The following TIMP2 variants were observed in gnomAD, a reference collection of about 807,000 sequenced individuals.
TIMP2 encodes metalloproteinase inhibitor 2.
TIMP2 carries 5 observed loss-of-function variants against 24.3 expected under a neutral mutation model. The ratio of observed to expected loss-of-function variants is 0.21; its 90% confidence interval spans 0.11 to 0.43. The LOEUF (loss-of-function observed/expected upper bound fraction) is 0.43. TIMP2 is among the 20% of genes least tolerant of loss of function. TIMP2 has a pLI of 1.00. For synonymous variants in TIMP2, 130 were observed against 123.2 expected (o/e 1.06, Z -0.37); for missense variants, 221 against 297.5 (o/e 0.74, Z 1.89).
At chr17:78,874,202 G>A (rs890399076) in intron 1 of TIMP2, 2 of 436,126 alleles carry the variant, frequency 4.6e-6, no homozygotes, top group African/African-American at 4.0e-5. Context: ...AGTCCCTTGT[G>A]ACCAAGGCAG....
At chr17:78,908,496 G>A (rs964728239) in intron 1 of TIMP2, among the ~76,000 whole-genome samples, 3 of 152,188 alleles carry the variant, frequency 2.0e-5, no homozygotes, top group Admixed American at 6.5e-5. Flanking sequence ...GGAGCAAAGT[G>A]ATGTTAAATC....
intron 1 of TIMP2, among the ~76,000 whole-genome samples, chr17:78,893,122 T>C (rs928316453): frequency 1.3e-5 from 2 of 148,708 alleles, no homozygotes; most frequent in African/African-American, 5.0e-5. Flanking sequence ...CATGCACATG[T>C]GTGTGCAGGG....
chr17:78,882,762 C>T (rs1462299443), intron 1 of TIMP2, among the ~76,000 whole-genome samples: 9 of 152,250 alleles, frequency 5.9e-5, no homozygotes, highest in African/African-American at 1.9e-4. Flanking sequence ...CCTCTCCCAA[C>T]GGAACTGCCC....
At chr17:78,862,064 A>T (rs981641149) in intron 3 of TIMP2, among the ~76,000 whole-genome samples, 1 of 152,182 alleles carries the variant, frequency 6.6e-6, no homozygotes, top group African/African-American at 2.4e-5. Context: ...CGGGAATTAA[A>T]ATTTGTAACG....
At chr17:78,877,998 G>T (rs897328910) in intron 1 of TIMP2, among the ~76,000 whole-genome samples, 1 of 152,110 alleles carries the variant, frequency 6.6e-6, no homozygotes, top group Non-Finnish European at 1.5e-5. Context: ...GAGCTACCGC[G>T]CCCGGCCTTG....
chr17:78,913,636 A>G (rs944711656), intron 1 of TIMP2, among the ~76,000 whole-genome samples: 8 of 152,110 alleles, frequency 5.3e-5, no homozygotes, highest in African/African-American at 9.7e-5. Flanking sequence ...GCTTAAGCCC[A>G]GGAGGCTGAG....
chr17:78,865,815 GAGCTTC>G (rs1195637675), intron 3 of TIMP2, among the ~76,000 whole-genome samples: 5 of 152,190 alleles, frequency 3.3e-5, no homozygotes, highest in Admixed American at 3.3e-4. Context: ...AACAAACAGA[GAGCTTC>G]AGCATGGGCG....
rs201215713 is a variant in TIMP2 at position 78,857,668 on chromosome 17, C to T, written c.341-22G>A. On this transcript the variant is annotated intron_variant, in intron 3 of 4. Transcript: ENST00000262768. The stretch of plus-strand genomic sequence containing the variant: ...TTTCCTGCGGAGAGACGGGGATCAC[C>T]GAGCTCAGGGAGAGGGAAAAGTCCT... 1.3e-4 allele frequency: 205 copies of T among 1,613,672 alleles called. 1 individual carries two copies. Among genetic ancestry groups the T allele is most frequent in the South Asian group, 4.6e-4 (42 of 91,078 alleles).
At chr17:78,903,918 A>G (rs1164985342) in intron 1 of TIMP2, among the ~76,000 whole-genome samples, 17 of 151,840 alleles carry the variant, frequency 1.1e-4, no homozygotes, top group Admixed American at 1.1e-3. Flanking sequence ...TGGCATTGTC[A>G]AGATATGTTT....
intron 3 of TIMP2, among the ~76,000 whole-genome samples, chr17:78,862,075 A>G (rs532038475): frequency 1.3e-5 from 2 of 152,212 alleles, no homozygotes; most frequent in Admixed American, 1.3e-4. Flanking sequence ...ATTTGTAACG[A>G]AGGGTTGTAT....
At chr17:78,922,284 A>G (rs1309801261) in intron 1 of TIMP2, 1 of 152,176 alleles carries the variant, frequency 6.6e-6, no homozygotes, top group Non-Finnish European at 1.5e-5. Context: ...TTGTTCCGGG[A>G]CCCTACCCTG....
rs1236570200 is a variant in TIMP2 at position 78,920,743 on chromosome 17, C to T, written c.130+4216G>A. ...AGTTTATCTGTTGTTAATTATTTAC[C>T]GAAACCACACTGAGTGGACTGACTT... On this transcript the variant is annotated intron_variant, in intron 1 of 4. Coordinates refer to ENST00000262768, the MANE Select transcript of TIMP2 (RefSeq NM_003255.5). The surrounding 1 kb of genome is among the most constrained non-coding windows in gnomAD (Gnocchi z 4.5). Among the ~76,000 whole-genome samples the T allele has an allele frequency of 1.3e-5, 2 of 152,072 alleles. No individual in the cohort carries two copies. Among genetic ancestry groups the T allele is most frequent in the Non-Finnish European group, 2.9e-5 (2 of 68,026 alleles).
At chr17:78,874,821 A>G (rs1346772157) in intron 1 of TIMP2, among the ~76,000 whole-genome samples, 1 of 151,858 alleles carries the variant, frequency 6.6e-6, no homozygotes, top group African/African-American at 2.4e-5. Flanking sequence ...GCTCACTGCA[A>G]CTTCTGCCTC....
At chr17:78,887,763 A>T (rs1288266224) in intron 1 of TIMP2, among the ~76,000 whole-genome samples, 4 of 152,086 alleles carry the variant, frequency 2.6e-5, no homozygotes, top group Non-Finnish European at 5.9e-5. Flanking sequence ...GAAAAAAAAA[A>T]AAAGAGCAAT....
Position 78,855,996 on chromosome 17 carries a change from G to A in TIMP2, c.466-132C>T. On this transcript the variant is annotated intron_variant, in intron 4 of 4. Coordinates refer to ENST00000262768, the MANE Select transcript of TIMP2 (RefSeq NM_003255.5). The surrounding 1 kb of genome is among the most constrained non-coding windows in gnomAD (Gnocchi z 6.0). The stretch of plus-strand genomic sequence containing the variant: ...GTGCAGGGATGGCAGCCTCTCCCGA[G>A]ACCCACGGTTCCTGCAGGGGCAGGC... 2.2e-6 allele frequency: 2 copies of A among 918,250 alleles called. No homozygotes were observed. Among genetic ancestry groups the A allele is most frequent in the Non-Finnish European group, 3.4e-6 (2 of 592,762 alleles). 56.9% of individuals were successfully genotyped at this position (918,250 alleles called of 1,614,324 possible). A position where few individuals can be genotyped will look rare whatever the true frequency, so the allele number is the denominator to read the frequency against.
intron 1 of TIMP2, among the ~76,000 whole-genome samples, chr17:78,880,401 C>T (rs1302869095): frequency 1.3e-5 from 2 of 152,104 alleles, no homozygotes; most frequent in Non-Finnish European, 2.9e-5. Context: ...AAAATTGCCT[C>T]GAAAGGCCGG....
intron 1 of TIMP2, among the ~76,000 whole-genome samples, chr17:78,905,904 G>C (rs7218729): frequency 0.54 from 81,342 of 151,986 alleles, 22,245 homozygotes; most frequent in African/African-American, 0.65. Context: ...ACTGCGGGTT[G>C]AGTTCCCACA....
intron 1 of TIMP2, among the ~76,000 whole-genome samples, chr17:78,913,891 C>CG (rs199973758): frequency 0.037 from 3,421 of 93,656 alleles, 221 homozygotes; most frequent in African/African-American, 0.13. Flanking sequence ...AACTCTGTCT[C>CG]GGGGAAAAAA....
Position 78,891,784 on chromosome 17 carries a change from G to A in TIMP2, c.131-17865C>T. On this transcript the variant is annotated intron_variant, in intron 1 of 4. Coordinates refer to ENST00000262768, the MANE Select transcript of TIMP2 (RefSeq NM_003255.5). This position sits in a 1 kb window ranked among gnomAD's most constrained non-coding sequence, Gnocchi z 4.5. ...CCGCCCCTTTGCTCCTCCGAGGATGGATGGCACAGCGGCCACCCCCAGACT... is the reference window on the plus strand; with the variant it reads ...CCGCCCCTTTGCTCCTCCGAGGATGAATGGCACAGCGGCCACCCCCAGACT... 1 of 1,551,152 alleles carries A rather than the reference G, an allele frequency of 6.4e-7. No homozygotes were observed. Among genetic ancestry groups the A allele is most frequent in the Non-Finnish European group, 8.7e-7 (1 of 1,147,114 alleles).
Sources: gnomAD v4.1 joint callset for allele counts (sites outside exome capture counted in the v4.1 genomes callset) on GRCh38, gnomAD v4.1.1 for gene constraint, Gnocchi (gnomAD v3.1) non-coding constraint, MANE v1.5 for transcripts, NCBI Gene and HGNC (gene_info 2026-07-23, HGNC 2026-07-21) for gene names.